The following RAB38 variants were observed in gnomAD, a reference collection of about 807,000 sequenced individuals.
RAB38 encodes ras-related protein Rab-38.
A neutral mutation model predicts 18.4 loss-of-function variants in RAB38; 15 were observed. The ratio of observed to expected loss-of-function variants is 0.82; its 90% CI spans 0.55 to 1.26. The LOEUF is 1.26. Among genes scored for constraint, RAB38 ranks in the 50% most tolerant of loss-of-function variants. The pLI is 0.00. For missense variants in RAB38, 294 were observed against 267.4 expected, an observed-to-expected ratio of 1.10 and a Z score of -0.69; for synonymous variants, 101 against 104.4, an observed-to-expected ratio of 0.97 and a Z score of 0.20.
the RAB38 span, among the ~76,000 whole-genome samples, chr11:88,007,996 T>G: frequency 6.8e-4 from 104 of 152,282 alleles, no homozygotes; most frequent in Middle Eastern, 3.4e-3. Flanking sequence ...TCATAACGTA[T>G]GTTTCCATGT....
chr11:87,828,705 G>A, the RAB38 span, among the ~76,000 whole-genome samples: 4 of 152,050 alleles, frequency 2.6e-5, no homozygotes, highest in Admixed American at 2.6e-4. Flanking sequence ...CCTTTTTTGG[G>A]TAATTTATTC....
chr11:88,010,517 C>A, the RAB38 span, among the ~76,000 whole-genome samples: 1 of 152,150 alleles, frequency 6.6e-6, no homozygotes, highest in Non-Finnish European at 1.5e-5. Context: ...TATTTTTTCC[C>A]ATAAAATCCA....
chr11:88,005,044 T>C, the RAB38 span, among the ~76,000 whole-genome samples: 1 of 151,508 alleles, frequency 6.6e-6, no homozygotes, highest in Admixed American at 6.6e-5. Context: ...TCATAAAATG[T>C]AAATTTTCCC....
chr11:87,950,632 C>A, the RAB38 span, among the ~76,000 whole-genome samples: 1 of 152,024 alleles, frequency 6.6e-6, no homozygotes, highest in African/African-American at 2.4e-5. Flanking sequence ...TTTTATTTCT[C>A]CTTCAGTTAT....
chr11:88,112,728 C>T (rs187964814), downstream of RAB38, among the ~76,000 whole-genome samples: 23 of 151,970 alleles, frequency 1.5e-4, no homozygotes, highest in East Asian at 3.3e-3. Flanking sequence ...GAGCTGAGAT[C>T]GCGCCACTGC....
At chr11:87,893,392 T>A in the RAB38 span, among the ~76,000 whole-genome samples, 2,642 of 6,970 alleles carry the variant, frequency 0.38, 93 homozygotes, top group African/African-American at 0.47. Context: ...ATATATATAT[T>A]TTTTTTTTAC....
At chr11:87,823,873 G>T in the RAB38 span, among the ~76,000 whole-genome samples, 1 of 152,124 alleles carries the variant, frequency 6.6e-6, no homozygotes. Context: ...GCTAGACTCA[G>T]ATAAGTACAT....
At chr11:88,017,724 TTATA>T in the RAB38 span, among the ~76,000 whole-genome samples, 1 of 145,174 alleles carries the variant, frequency 6.9e-6, no homozygotes, top group Non-Finnish European at 1.5e-5. Flanking sequence ...ATAATATATA[TTATA>T]TATATATATA....
At chr11:87,870,675 TAACTC>T in the RAB38 span, among the ~76,000 whole-genome samples, 1 of 151,624 alleles carries the variant, frequency 6.6e-6, no homozygotes, top group Non-Finnish European at 1.5e-5. Context: ...AGGAAAGTGA[TAACTC>T]AAGCAAGGAT....
At chr11:87,945,956 TGTAA>T in the RAB38 span, among the ~76,000 whole-genome samples, 1 of 152,124 alleles carries the variant, frequency 6.6e-6, no homozygotes, top group Non-Finnish European at 1.5e-5. Context: ...TACCCTTCAT[TGTAA>T]GTGAGATAAT....
At chr11:87,908,924 A>G in the RAB38 span, among the ~76,000 whole-genome samples, 38 of 151,934 alleles carry the variant, frequency 2.5e-4, no homozygotes, top group Non-Finnish European at 1.5e-4. Flanking sequence ...ATTGATTTCT[A>G]TCTTGGAACA....
At chr11:87,805,394 A>G in the RAB38 span, among the ~76,000 whole-genome samples, 1 of 150,602 alleles carries the variant, frequency 6.6e-6, no homozygotes, top group African/African-American at 2.5e-5. Context: ...GATATTATCT[A>G]TGTCATTTTT....
chr11:88,162,925 T>A (rs1943203783), intron 1 of RAB38, among the ~76,000 whole-genome samples: 1 of 152,152 alleles, frequency 6.6e-6, no homozygotes, highest in Non-Finnish European at 1.5e-5. Flanking sequence ...GTCCTCTCCA[T>A]CATCCTTCAC....
chr11:87,915,285 G>T, the RAB38 span, among the ~76,000 whole-genome samples: 20 of 152,112 alleles, frequency 1.3e-4, 1 homozygote, highest in Admixed American at 7.2e-4. Flanking sequence ...TTCCTTGGAA[G>T]TTAAGGCATT....
At chr11:88,168,196 A>C (rs114558434) in intron 1 of RAB38, among the ~76,000 whole-genome samples, 3 of 152,140 alleles carry the variant, frequency 2.0e-5, no homozygotes, top group Non-Finnish European at 4.4e-5. Flanking sequence ...AAGTAAGAAG[A>C]CCTATTTGTT....
the RAB38 span, among the ~76,000 whole-genome samples, chr11:87,921,800 T>TC: frequency 4.0e-4 from 60 of 151,676 alleles, no homozygotes; most frequent in Admixed American, 6.6e-4. Flanking sequence ...CCTTTTTTTT[T>TC]CTCAGATAGC....
the RAB38 span, among the ~76,000 whole-genome samples, chr11:87,804,793 C>T: frequency 1.3e-5 from 2 of 152,206 alleles, no homozygotes; most frequent in South Asian, 4.1e-4. Flanking sequence ...TACTATATTG[C>T]TCCATTTTCT....
the RAB38 span, among the ~76,000 whole-genome samples, chr11:88,101,908 T>C: frequency 6.6e-6 from 1 of 151,906 alleles, no homozygotes; most frequent in East Asian, 1.9e-4. Context: ...CACTGAATAT[T>C]AATTGTAATT....
At chr11:87,908,767 T>A in the RAB38 span, among the ~76,000 whole-genome samples, 1 of 152,036 alleles carries the variant, frequency 6.6e-6, no homozygotes, top group African/African-American at 2.4e-5. Context: ...AAATTGACTA[T>A]ATGTGGGCAG....
Sources: allele counts gnomAD v4.1 joint callset (sites outside exome capture counted in the v4.1 genomes callset), GRCh38; gene constraint gnomAD v4.1.1; transcripts MANE v1.5; gene names NCBI Gene and HGNC (gene_info 2026-07-23, HGNC 2026-07-21).